The following HERPUD2 variants were observed in gnomAD, a reference collection of about 807,000 sequenced individuals.
The protein encoded by HERPUD2 is HERPUD family member 2, also known as homocysteine-responsive endoplasmic reticulum-resident ubiquitin-like domain member 2 protein.
HERPUD2 carries 13 observed loss-of-function variants against 49.9 expected under a neutral mutation model. The ratio of observed to expected loss-of-function variants is 0.26; its 90% CI spans 0.17 to 0.41. The LOEUF (loss-of-function observed/expected upper bound fraction) is 0.41. Among genes scored for constraint, HERPUD2 ranks in the 10% least tolerant of loss-of-function variants. The pLI is 1.00. For synonymous variants in HERPUD2, 172 were observed against 171.4 expected, an observed-to-expected ratio of 1.00 and a Z score of -0.03; for missense variants, 449 against 492.2, an observed-to-expected ratio of 0.91 and a Z score of 0.83.
chr7:35,655,979 G>T (rs555198912), intron 5 of HERPUD2, among the ~76,000 whole-genome samples: 41 of 152,130 alleles, frequency 2.7e-4, no homozygotes, highest in African/African-American at 9.2e-4. Flanking sequence ...TGGCCATAAT[G>T]GTGAAACTCT....
At chr7:35,642,751 A>G (rs750235526) in intron 5 of HERPUD2, among the ~76,000 whole-genome samples, 2 of 152,212 alleles carry the variant, frequency 1.3e-5, no homozygotes, top group East Asian at 3.8e-4. Flanking sequence ...TGGGAGCTAA[A>G]TGATGAGAAC....
At chr7:35,663,960 C>T (rs1442800409) in intron 5 of HERPUD2, among the ~76,000 whole-genome samples, 2 of 152,128 alleles carry the variant, frequency 1.3e-5, no homozygotes, top group Non-Finnish European at 2.9e-5. Flanking sequence ...TTATTTTGCT[C>T]ATTAGTTGAT....
intron 5 of HERPUD2, among the ~76,000 whole-genome samples, chr7:35,644,721 C>G (rs1024788627): frequency 2.0e-5 from 3 of 152,180 alleles, no homozygotes; most frequent in African/African-American, 7.2e-5. Context: ...GAGCCAAGAT[C>G]GCACCACTGC....
chr7:35,681,712 C>G (rs1003171286), intron 2 of HERPUD2, among the ~76,000 whole-genome samples: 6 of 151,864 alleles, frequency 4.0e-5, no homozygotes, highest in African/African-American at 1.4e-4. Flanking sequence ...AAACATTATG[C>G]TAAGTTAAAG....
intron 5 of HERPUD2, 56 bp from the exon 6 acceptor site, chr7:35,638,528 C>G: frequency 1.3e-6 from 2 of 1,530,036 alleles, no homozygotes; most frequent in South Asian, 2.5e-5. Flanking sequence ...AAGTATTATT[C>G]TAAATTTTCA....
chr7:35,670,074 C>T (rs1785611382), intron 4 of HERPUD2, 141 bp downstream of exon 4: 2 of 478,638 alleles, frequency 4.2e-6, no homozygotes, highest in Admixed American at 7.4e-5. Flanking sequence ...TTACAAAATG[C>T]CTAACTTTAG....
chr7:35,679,212 G>GA (rs1166640418), intron 2 of HERPUD2, among the ~76,000 whole-genome samples: 1 of 151,970 alleles, frequency 6.6e-6, no homozygotes, highest in African/African-American at 2.4e-5. Flanking sequence ...TTTTTATCCA[G>GA]AAAAAAACTC....
chr7:35,633,726 T>C lies in HERPUD2; in HGVS notation c.1185A>G (p.Ser395=), dbSNP rs201560718. 6 of 1,613,966 alleles carry C rather than the reference T, an allele frequency of 3.7e-6. No individual in the cohort carries two copies. Among genetic ancestry groups the C allele is most frequent in the Non-Finnish European group, 5.1e-6 (6 of 1,179,918 alleles). Residue 395 remains serine (S), a synonymous_variant, in exon 9 of 9, where the codon TCA becomes TCG. Transcript: ENST00000311350. ...CCTGGGGAGGCCCCTCTGGTATTAG[T>C]GAAGTAAAGAAGGTGGTGATGAAAG... ...AWSFITTFFT[S]LIPEGPPQVA... is the part of the protein sequence containing the mutation.
At chr7:35,673,076 G>C in intron 3 of HERPUD2, 125 bp downstream of exon 3, 1 of 632,448 alleles carries the variant, frequency 1.6e-6, no homozygotes, top group South Asian at 2.2e-5. Context: ...ATCTTTACTT[G>C]TTACACCACG....
At chr7:35,642,395 G>C (rs1456428199) in intron 5 of HERPUD2, among the ~76,000 whole-genome samples, 41 of 152,224 alleles carry the variant, frequency 2.7e-4, no homozygotes, top group Admixed American at 2.7e-3. Context: ...GTGGAAAGCA[G>C]AGTGGTGATT....
intron 2 of HERPUD2, among the ~76,000 whole-genome samples, chr7:35,690,961 T>C (rs1786170305): frequency 6.6e-6 from 1 of 152,210 alleles, no homozygotes; most frequent in Non-Finnish European, 1.5e-5. Context: ...ACTCCAGAGA[T>C]GATCATTCCC....
chr7:35,642,700 C>A (rs1194682955), intron 5 of HERPUD2, among the ~76,000 whole-genome samples: 2 of 152,166 alleles, frequency 1.3e-5, no homozygotes. Flanking sequence ...GAAACTAACG[C>A]ACGAACAGAA....
chr7:35,682,357 G>GTGTATA lies in HERPUD2; in HGVS notation c.148-9080_148-9079insTATACA, dbSNP rs1315389393. Among the ~76,000 whole-genome samples the GTGTATA allele has an allele frequency of 1.2e-4, 3 of 25,826 alleles. 1 individual carries two copies. The highest frequency in any genetic ancestry group is 4.3e-4 in the African/African-American group (3 of 6,948). 16.9% of individuals were successfully genotyped at this position (25,826 alleles called of 152,430 possible). A position where few individuals can be genotyped will look rare whatever the true frequency, so the allele number is the denominator to read the frequency against. ...TGTGTGTGTGTGTGTGTGTGTGTGTGTATATATATATATATATATATATAT... is the reference window on the plus strand; with the variant it reads ...TGTGTGTGTGTGTGTGTGTGTGTGTGTGTATATATATATATATATATATATATATAT... On this transcript the variant is annotated intron_variant, in intron 2 of 8. Coordinates refer to ENST00000311350, the MANE Select transcript of HERPUD2 (RefSeq NM_022373.5).
Position 35,633,598 on chromosome 7 carries a change from A to G in HERPUD2, c.*92T>C. ...AAAACACCTCTGTACATGATGATCA[A>G]AAGAAAGTTATAAATTTTTTTGAAA... On this transcript the variant is annotated 3_prime_UTR_variant, in exon 9 of 9. Transcript: ENST00000311350. The G allele has an allele frequency of 2.5e-6, 3 of 1,200,626 alleles. No homozygotes were observed. In the South Asian group the frequency reaches 4.7e-5, roughly 19 times the overall value. 74.4% of individuals were successfully genotyped at this position (1,200,626 alleles called of 1,614,324 possible).
chr7:35,688,773 T>A (rs1017596135), intron 2 of HERPUD2, among the ~76,000 whole-genome samples: 1 of 152,162 alleles, frequency 6.6e-6, no homozygotes, highest in Non-Finnish European at 1.5e-5. Context: ...CCTAAATGCC[T>A]TTCTTCATCT....
At chr7:35,687,050 ACT>A (rs988584711) in intron 2 of HERPUD2, among the ~76,000 whole-genome samples, 1 of 152,000 alleles carries the variant, frequency 6.6e-6, no homozygotes, top group Admixed American at 6.6e-5. Context: ...ACAGTGCGAG[ACT>A]CTGTCTCAAA....
intron 2 of HERPUD2, among the ~76,000 whole-genome samples, chr7:35,687,911 A>G (rs1786100167): frequency 6.6e-6 from 1 of 152,230 alleles, no homozygotes; most frequent in Non-Finnish European, 1.5e-5. Flanking sequence ...TCAATTATGT[A>G]TGGCTTAAAA....
At chr7:35,659,877 T>TA (rs1210521756) in intron 5 of HERPUD2, among the ~76,000 whole-genome samples, 4 of 152,138 alleles carry the variant, frequency 2.6e-5, no homozygotes, top group South Asian at 4.1e-4. Flanking sequence ...TTATTTTTTT[T>TA]ATTCCTTTAT....
At chr7:35,657,685 G>A (rs1190767023) in intron 5 of HERPUD2, among the ~76,000 whole-genome samples, 5 of 150,570 alleles carry the variant, frequency 3.3e-5, no homozygotes, top group African/African-American at 4.9e-5. Flanking sequence ...CGAGGAGGGC[G>A]GATCACAAGG....
Sources: gnomAD v4.1 joint callset for allele counts (sites outside exome capture counted in the v4.1 genomes callset) on GRCh38, gnomAD v4.1.1 for gene constraint, MANE v1.5 for transcripts, NCBI Gene and HGNC (gene_info 2026-07-23, HGNC 2026-07-21) for gene names.